CRYBG1: variants seen among roughly 807,000 people sequenced by gnomAD.
The protein encoded by CRYBG1 is crystallin beta-gamma domain containing 1.
CRYBG1 carries 139 observed loss-of-function variants against 189.2 expected under a neutral mutation model. The ratio of observed to expected loss-of-function variants is 0.73; its 90% CI spans 0.64 to 0.85. The LOEUF is 0.85. CRYBG1 is among the 40% of genes least tolerant of loss of function. The pLI is 0.00. For synonymous variants in CRYBG1, 1,023 were observed against 1,017.1 expected (o/e 1.01, Z -0.11); for missense variants, 2,611 against 2,675.8 (o/e 0.98, Z 0.53).
intron 2 of CRYBG1, among the ~76,000 whole-genome samples, chr6:106,453,470 ATT>A (rs1159753057): frequency 6.6e-6 from 1 of 152,208 alleles, no homozygotes; most frequent in Admixed American, 6.5e-5. Context: ...TTGGTTTCAC[ATT>A]TTATTCTTTT....
intron 2 of CRYBG1, among the ~76,000 whole-genome samples, chr6:106,465,644 A>G (rs1357772383): frequency 6.6e-6 from 1 of 152,212 alleles, no homozygotes; most frequent in African/African-American, 2.4e-5. Context: ...ACTGGACTAG[A>G]TTATGTATAA....
chr6:106,497,480 C>T (rs375185554), intron 2 of CRYBG1, among the ~76,000 whole-genome samples: 1 of 152,300 alleles, frequency 6.6e-6, no homozygotes. Context: ...CCCCCTGCAC[C>T]CCTTAGTAGC....
intron 1 of CRYBG1, among the ~76,000 whole-genome samples, chr6:106,376,440 C>G (rs1770164566): frequency 6.6e-6 from 1 of 152,202 alleles, no homozygotes; most frequent in South Asian, 2.1e-4. Flanking sequence ...GAACCTAGCT[C>G]TTTGTCCTCT....
chr6:106,458,288 C>G (rs1771930452), intron 2 of CRYBG1, among the ~76,000 whole-genome samples: 1 of 152,176 alleles, frequency 6.6e-6, no homozygotes, highest in East Asian at 1.9e-4. Flanking sequence ...CTGGGCCATT[C>G]TACTCTTTTT....
At chr6:106,545,359 T>G (rs1383868291) in intron 13 of CRYBG1, among the ~76,000 whole-genome samples, 1 of 152,248 alleles carries the variant, frequency 6.6e-6, no homozygotes, top group Non-Finnish European at 1.5e-5. Context: ...AAAATAATTG[T>G]TCTATGTACG....
intron 1 of CRYBG1, among the ~76,000 whole-genome samples, chr6:106,374,772 A>G (rs577616463): frequency 6.6e-6 from 1 of 152,334 alleles, no homozygotes; most frequent in African/African-American, 2.4e-5. Context: ...ATGTTTGTAT[A>G]TATAGATAGA....
intron 1 of CRYBG1, among the ~76,000 whole-genome samples, chr6:106,363,021 G>A (rs941965788): frequency 1.3e-5 from 2 of 151,618 alleles, no homozygotes; most frequent in Admixed American, 6.6e-5. Context: ...CGAGACGGGC[G>A]GATCACGAGG....
At chr6:106,408,105 A>T (rs1180539475) in intron 1 of CRYBG1, among the ~76,000 whole-genome samples, 1 of 152,210 alleles carries the variant, frequency 6.6e-6, no homozygotes, top group African/African-American at 2.4e-5. Flanking sequence ...TGAAAAGATT[A>T]ACAAAATAGA....
At chr6:106,415,986 G>T (rs1771014026) in intron 1 of CRYBG1, among the ~76,000 whole-genome samples, 1 of 152,050 alleles carries the variant, frequency 6.6e-6, no homozygotes. Flanking sequence ...CCTCTTAGGG[G>T]AGCCCAATCA....
At chr6:106,370,043 G>T (rs1489313222) in intron 1 of CRYBG1, among the ~76,000 whole-genome samples, 1 of 152,150 alleles carries the variant, frequency 6.6e-6, no homozygotes, top group Non-Finnish European at 1.5e-5. Flanking sequence ...TTAGCCTCTA[G>T]ATCTCACAAG....
chr6:106,458,108 G>T (rs1771927295), intron 2 of CRYBG1, among the ~76,000 whole-genome samples: 1 of 152,244 alleles, frequency 6.6e-6, no homozygotes, highest in Non-Finnish European at 1.5e-5. Context: ...TGCCTATGCA[G>T]AAATTTTCTG....
At chr6:106,503,548 T>C (rs1452925654) in intron 2 of CRYBG1, among the ~76,000 whole-genome samples, 4 of 152,252 alleles carry the variant, frequency 2.6e-5, no homozygotes, top group African/African-American at 7.2e-5. Context: ...GCCTGACTTA[T>C]GTCTTAGAAA....
At chr6:106,495,253 G>A (rs1772819494) in intron 2 of CRYBG1, among the ~76,000 whole-genome samples, 1 of 152,182 alleles carries the variant, frequency 6.6e-6, no homozygotes, top group African/African-American at 2.4e-5. Context: ...TGCCGAAGGT[G>A]AGCTGATGAG....
chr6:106,489,885 A>G (rs887817067), intron 2 of CRYBG1, among the ~76,000 whole-genome samples: 2 of 152,186 alleles, frequency 1.3e-5, no homozygotes, highest in Non-Finnish European at 2.9e-5. Flanking sequence ...TTTATCCAGA[A>G]ATAAGAACAC....
intron 1 of CRYBG1, among the ~76,000 whole-genome samples, chr6:106,418,638 G>T (rs1001645135): frequency 1.3e-5 from 2 of 152,100 alleles, no homozygotes; most frequent in Non-Finnish European, 2.9e-5. Flanking sequence ...AATGACTTAG[G>T]TTCATAATTG....
At chr6:106,508,540 A>T (rs1057093176) in intron 2 of CRYBG1, among the ~76,000 whole-genome samples, 1 of 152,186 alleles carries the variant, frequency 6.6e-6, no homozygotes, top group African/African-American at 2.4e-5. Context: ...ATCATTATAG[A>T]TTAGATTTGC....
At chr6:106,565,316 G>C in intron 21 of CRYBG1, among the ~76,000 whole-genome samples, 1 of 25,402 alleles carries the variant, frequency 3.9e-5, no homozygotes, top group East Asian at 2.1e-3. Context: ...GCAAGACTTC[G>C]TCTCAAAAAA....
At chr6:106,404,024 GGA>G (rs1331550861) in intron 1 of CRYBG1, among the ~76,000 whole-genome samples, 1 of 152,234 alleles carries the variant, frequency 6.6e-6, no homozygotes, top group Non-Finnish European at 1.5e-5. Flanking sequence ...AGAGGACATG[GGA>G]GTCCTATCAG....
rs766971859 is a variant in CRYBG1 at position 106,571,882 on chromosome 6, T to C, written c.*3316T>C. On this transcript the variant is annotated 3_prime_UTR_variant, in exon 22 of 22. Coordinates refer to ENST00000633556, the MANE Select transcript of CRYBG1 (RefSeq NM_001371242.2). ...TGTTTATTTTTTAAAGCTTGTATCA[T>C]GGAATGTATAATCTAATCTGGAAAA... The C allele has an allele frequency of 4.6e-6, 3 of 648,108 alleles. No individual in the cohort carries two copies. Among genetic ancestry groups the C allele is most frequent in the Non-Finnish European group, 8.2e-6 (3 of 365,690 alleles). 40.1% of individuals were successfully genotyped at this position (648,108 alleles called of 1,614,324 possible).
Sources: gnomAD v4.1 joint callset for allele counts (sites outside exome capture counted in the v4.1 genomes callset) on GRCh38, gnomAD v4.1.1 for gene constraint, MANE v1.5 for transcripts, NCBI Gene and HGNC (gene_info 2026-07-23, HGNC 2026-07-21) for gene names.